MED13L: variants seen among roughly 807,000 people sequenced by gnomAD.
MED13L encodes the protein mediator of RNA polymerase II transcription subunit 13-like.
In MED13L, 7 loss-of-function variants were observed where a neutral mutation model predicts 220.9. That is an observed-to-expected ratio of 0.03 (90% CI 0.02 to 0.06). MED13L has a LOEUF of 0.06. MED13L is among the 10% of genes least tolerant of loss of function. The pLI, the probability that MED13L is intolerant of heterozygous loss-of-function variation, is 1.00. For missense variants in MED13L, 1,965 were observed against 2,760.5 expected, an observed-to-expected ratio of 0.71 and a Z score of 6.46; for synonymous variants, 1,011 against 1,015.2, an observed-to-expected ratio of 1.00 and a Z score of 0.08.
intron 2 of MED13L, among the ~76,000 whole-genome samples, chr12:116,134,651 CCT>C (rs1390139209): frequency 1.3e-5 from 2 of 151,932 alleles, no homozygotes; most frequent in East Asian, 3.8e-4. Context: ...TATTCAAACC[CCT>C]GTTAAATGCA....
intron 2 of MED13L, among the ~76,000 whole-genome samples, chr12:116,131,930 C>A (rs914887659): frequency 1.3e-5 from 2 of 152,102 alleles, no homozygotes; most frequent in African/African-American, 4.8e-5. Context: ...TTGCAGTGAG[C>A]CGAGATCACG....
intron 2 of MED13L, among the ~76,000 whole-genome samples, chr12:116,115,487 T>G (rs972624836): frequency 2.0e-5 from 3 of 151,988 alleles, no homozygotes; most frequent in Non-Finnish European, 2.9e-5. Flanking sequence ...AAAGAAAAAC[T>G]GATAAACAGA....
In MED13L at chr12:116,277,397, A is replaced by AGCCGCCGCC. The variant is rs1049814569; in HGVS notation, c.-275_-267dup. 1 of 12,830 alleles carries AGCCGCCGCC rather than the reference A, an allele frequency of 7.8e-5. No homozygotes were observed. Among genetic ancestry groups the AGCCGCCGCC allele is most frequent in the African/African-American group, 1.7e-3 (1 of 606 alleles). 0.8% of individuals were successfully genotyped at this position (12,830 alleles called of 1,614,324 possible). A position where few individuals can be genotyped will look rare whatever the true frequency, so the allele number is the denominator to read the frequency against. ...ACCGCCTCCGCCTTCCCTGCTCCTC[A>AGCCGCCGCC]GCCGCCGCCGCCGCCGCTGCTGCCG... On this transcript the variant is annotated 5_prime_UTR_variant, in exon 1 of 31. Coordinates refer to ENST00000281928, the MANE Select transcript of MED13L (RefSeq NM_015335.5).
intron 2 of MED13L, among the ~76,000 whole-genome samples, chr12:116,232,964 G>A (rs1300108432): frequency 6.6e-6 from 1 of 151,922 alleles, no homozygotes; most frequent in East Asian, 1.9e-4. Flanking sequence ...GCATACACCT[G>A]CAATCCCAGC....
At chr12:115,984,752 C>T (rs1877568108) in intron 19 of MED13L, among the ~76,000 whole-genome samples, 3 of 152,158 alleles carry the variant, frequency 2.0e-5, no homozygotes, top group Admixed American at 1.3e-4. Context: ...GTAATCCCTA[C>T]TCATAATATT....
intron 2 of MED13L, among the ~76,000 whole-genome samples, chr12:116,124,911 AT>A (rs1477305603): frequency 6.6e-6 from 1 of 152,216 alleles, no homozygotes; most frequent in Non-Finnish European, 1.5e-5. Context: ...CAGGAAAAAA[AT>A]ATTTGTCATA....
intron 8 of MED13L, among the ~76,000 whole-genome samples, chr12:116,014,184 T>C (rs564709321): frequency 4.6e-5 from 7 of 152,336 alleles, no homozygotes; most frequent in Admixed American, 2.0e-4. Context: ...TAGTATGAAA[T>C]TGCTAAAAGC....
At position 115,975,738 on chromosome 12, in the gene MED13L, G is replaced by A. The variant is rs201983216; in HGVS notation, c.5365C>T (p.Arg1789Trp). Residue 1789 changes from arginine (R) to tryptophan (W), a missense_variant and splice_region_variant, in exon 24 of 31, where the codon CGG becomes TGG. Arg to Trp is a moderately radical substitution (Grantham distance 101, BLOSUM62 -3). This residue lies in a region of MED13L where 510 missense variants were observed against 620.4 expected (regional missense o/e 0.82). Coordinates refer to ENST00000281928, the MANE Select transcript of MED13L (RefSeq NM_015335.5). ...GAGTAAAGCTGGATTGGGCTGGGCC[G>A]CTGAAATCAAAACCAAAATCAATAT... ...SIEMTLKNPERPSPIQLYSPP... is the reference protein window; with the variant it reads ...SIEMTLKNPEWPSPIQLYSPP... The A allele has an allele frequency of 1.7e-5, 27 of 1,613,194 alleles. No individual in the cohort carries two copies. Among genetic ancestry groups the A allele is most frequent in the East Asian group, 1.3e-4 (6 of 44,854 alleles).
At chr12:116,037,911 G>A (rs1237145456) in intron 4 of MED13L, among the ~76,000 whole-genome samples, 2 of 152,130 alleles carry the variant, frequency 1.3e-5, no homozygotes, top group Admixed American at 6.6e-5. Flanking sequence ...AGATATAAGA[G>A]CTGCTCTAGT....
intron 2 of MED13L, among the ~76,000 whole-genome samples, chr12:116,188,625 G>A (rs778734259): frequency 4.6e-5 from 7 of 152,046 alleles, no homozygotes; most frequent in African/African-American, 1.4e-4. Context: ...TTCCAAAACC[G>A]TAGTACAACA....
At chr12:116,202,985 T>C (rs1389000875) in intron 2 of MED13L, among the ~76,000 whole-genome samples, 2 of 152,234 alleles carry the variant, frequency 1.3e-5, no homozygotes. Context: ...GGCAGATGAA[T>C]GGGCTTTGCT....
chr12:116,186,709 A>C (rs1320120896), intron 2 of MED13L, among the ~76,000 whole-genome samples: 1 of 152,156 alleles, frequency 6.6e-6, no homozygotes, highest in African/African-American at 2.4e-5. Context: ...GTTTCACTAC[A>C]CCACTCTGTC....
intron 4 of MED13L, among the ~76,000 whole-genome samples, chr12:116,071,993 G>T (rs552126682): frequency 6.6e-6 from 1 of 152,214 alleles, no homozygotes; most frequent in Non-Finnish European, 1.5e-5. Context: ...AAATGCATGG[G>T]ATTAGATTTT....
rs377496032 is a variant in MED13L, at chr12:116,234,151, T to C, written c.310+3317A>G. Among the ~76,000 whole-genome samples the C allele has an allele frequency of 5.3e-5, 8 of 152,146 alleles. No homozygotes were observed. The East Asian group carries it at 1.3e-3, about 26-fold the overall frequency. ...AATTTAAGAAACAATAAAATGCCTC[T>C]ATTAAAAAAAATGTTAAATAATGGT... On this transcript the variant is annotated intron_variant, in intron 2 of 30. Coordinates refer to ENST00000281928, the MANE Select transcript of MED13L (RefSeq NM_015335.5).
chr12:116,100,073 T>C (rs571434911), intron 3 of MED13L, among the ~76,000 whole-genome samples: 1 of 152,312 alleles, frequency 6.6e-6, no homozygotes, highest in African/African-American at 2.4e-5. Context: ...GTAGTGTTTT[T>C]ACTCAGTTTT....
At chr12:116,006,772 T>C (rs925747746) in intron 11 of MED13L, 1 of 274,386 alleles carries the variant, frequency 3.6e-6, no homozygotes, top group Admixed American at 4.9e-5. Flanking sequence ...GAGATCTGTA[T>C]AAAACAATCT....
intron 2 of MED13L, among the ~76,000 whole-genome samples, chr12:116,228,274 T>C (rs546260464): frequency 6.6e-6 from 1 of 152,328 alleles, no homozygotes; most frequent in Non-Finnish European, 1.5e-5. Flanking sequence ...TCAGAAGATC[T>C]TGCTAAGATC....
intron 29 of MED13L, among the ~76,000 whole-genome samples, chr12:115,965,029 CCTT>C (rs776998519): frequency 1.1e-4 from 16 of 152,238 alleles, no homozygotes; most frequent in Admixed American, 7.9e-4. Flanking sequence ...TTTTTATAAA[CCTT>C]CTTTGATTTT....
chr12:115,983,651 T>A (rs1877491079), intron 20 of MED13L, 111 bp from the exon 21 acceptor site: 6 of 1,171,562 alleles, frequency 5.1e-6, no homozygotes, highest in Non-Finnish European at 6.2e-6. Context: ...GCTGCAATAC[T>A]CTGATTACAA....
Sources: allele counts gnomAD v4.1 joint callset (sites outside exome capture counted in the v4.1 genomes callset), GRCh38; gene constraint gnomAD v4.1.1; regional missense constraint gnomAD v4.1.1; transcripts MANE v1.5; gene names NCBI Gene and HGNC (gene_info 2026-07-23, HGNC 2026-07-21).